The following LRP1B variants were observed in gnomAD, a reference collection of about 807,000 sequenced individuals.
LRP1B encodes LDL receptor related protein 1B.
Under a neutral mutation model 556.6 loss-of-function variants are expected in LRP1B, and 217 were observed. That is an observed-to-expected ratio of 0.39 (90% CI 0.35 to 0.44). LRP1B has a LOEUF of 0.44. Ranked by LOEUF, LRP1B falls within the 20% of genes least tolerant of loss-of-function variation. LRP1B has a pLI of 1.00. For missense variants in LRP1B, 5,053 were observed against 5,620.8 expected (o/e 0.90, Z 3.23); for synonymous variants, 2,047 against 1,865.8 (o/e 1.10, Z -2.50).
chr2:141,142,618 G>C (rs1701682533), intron 7 of LRP1B, among the ~76,000 whole-genome samples: 2 of 152,098 alleles, frequency 1.3e-5, no homozygotes, highest in African/African-American at 4.8e-5. Flanking sequence ...CCAATGAGTT[G>C]AGGCTTCAAT....
chr2:140,573,328 A>G lies in LRP1B; in HGVS notation c.7194+25303T>C, dbSNP rs16844259. Among the ~76,000 whole-genome samples the G allele has an allele frequency of 6.2e-3, 935 of 152,026 alleles. 8 individuals are homozygous for G. The highest frequency in any genetic ancestry group is 0.033 in the East Asian group (171 of 5,182). On this transcript the variant is annotated intron_variant, in intron 43 of 90. Transcript: ENST00000389484. ...TAAATTAAGAAAATTTAGGGTAAAA[A>G]TGAAGGATCAGAAATAAAGGATCAG... is the stretch of plus-strand genomic sequence containing the variant.
chr2:142,055,283 C>T (rs1209460682), intron 1 of LRP1B, among the ~76,000 whole-genome samples: 5 of 151,944 alleles, frequency 3.3e-5, no homozygotes, highest in Non-Finnish European at 1.5e-5. Context: ...AGAAAACATC[C>T]CTCCATGGTG....
intron 41 of LRP1B, among the ~76,000 whole-genome samples, chr2:140,667,235 C>T (rs1354995371): frequency 1.3e-5 from 2 of 152,102 alleles, no homozygotes; most frequent in Non-Finnish European, 2.9e-5. Context: ...AAAAATGCAG[C>T]GCAGAGAATC....
chr2:140,736,895 C>A lies in LRP1B; in HGVS notation c.5759-20079G>T, dbSNP rs1030680631. ...ATCGTTGTGCTTACCTGCCAGAAAC[C>A]AAAAGGCCGTAACTACCATGACTGG... On this transcript the variant is annotated intron_variant, in intron 35 of 90. Coordinates refer to ENST00000389484, the MANE Select transcript of LRP1B (RefSeq NM_018557.3). Among the ~76,000 whole-genome samples the A allele has an allele frequency of 2.0e-5, 3 of 152,214 alleles. No homozygotes were observed. In the South Asian group the frequency reaches 6.2e-4, roughly 32 times the overall value.
At chr2:140,610,814 G>T (rs914912104) in intron 41 of LRP1B, among the ~76,000 whole-genome samples, 1 of 152,088 alleles carries the variant, frequency 6.6e-6, no homozygotes, top group African/African-American at 2.4e-5. Context: ...CTCGCTCTCC[G>T]CCCGCCTCGG....
chr2:141,123,936 T>A (rs1056888699), intron 7 of LRP1B, among the ~76,000 whole-genome samples: 6 of 152,106 alleles, frequency 3.9e-5, no homozygotes, highest in Admixed American at 3.9e-4. Context: ...TGGGATTAGT[T>A]CTATAAGTGA....
chr2:141,184,375 A>G (rs1681144862), intron 7 of LRP1B, among the ~76,000 whole-genome samples: 1 of 151,914 alleles, frequency 6.6e-6, no homozygotes, highest in Non-Finnish European at 1.5e-5. Flanking sequence ...CAGGCCATCA[A>G]AAAAATCATC....
chr2:141,705,106 A>G (rs892274338), intron 2 of LRP1B, among the ~76,000 whole-genome samples: 1 of 152,012 alleles, frequency 6.6e-6, no homozygotes, highest in Non-Finnish European at 1.5e-5. Context: ...GAGAAAACAC[A>G]TTATTAACCT....
At chr2:141,559,679 A>C (rs1332063697) in intron 2 of LRP1B, among the ~76,000 whole-genome samples, 3 of 151,650 alleles carry the variant, frequency 2.0e-5, no homozygotes, top group African/African-American at 7.2e-5. Context: ...CATGCATTGA[A>C]TATTGTAGGT....
At chr2:140,985,128 G>A (rs974150844) in intron 17 of LRP1B, among the ~76,000 whole-genome samples, 2 of 151,922 alleles carry the variant, frequency 1.3e-5, no homozygotes, top group African/African-American at 4.8e-5. Flanking sequence ...CTGAATCAGA[G>A]ATTTGCTGTA....
At chr2:141,137,951 C>G (rs1701530418) in intron 7 of LRP1B, among the ~76,000 whole-genome samples, 1 of 151,542 alleles carries the variant, frequency 6.6e-6, no homozygotes, top group African/African-American at 2.4e-5. Flanking sequence ...GAGGTCATCA[C>G]TACCACGACT....
At chr2:141,674,053 A>G (rs1359743371) in intron 2 of LRP1B, among the ~76,000 whole-genome samples, 2 of 152,078 alleles carry the variant, frequency 1.3e-5, no homozygotes, top group Non-Finnish European at 2.9e-5. Flanking sequence ...TAACTGCCAT[A>G]AGTTTAAATC....
chr2:140,809,245 T>A lies in LRP1B; in HGVS notation c.5359+4412A>T, dbSNP rs193140547. ...GTAGGTTAGTTTGCATGGTATTTTT[T>A]TAAAAAAAAATTTTAAAAAAGATTA... On this transcript the variant is annotated intron_variant, in intron 32 of 90. Transcript: ENST00000389484. Among the ~76,000 whole-genome samples the A allele has an allele frequency of 8.8e-3, 1,333 of 151,922 alleles. 18 individuals are homozygous for A. Among genetic ancestry groups the A allele is most frequent in the African/African-American group, 0.027 (1,136 of 41,488 alleles).
At position 140,923,059 on chromosome 2, in the gene LRP1B, T is replaced by C. The variant is rs1694786785; in HGVS notation, c.3225A>G (p.Gly1075=). 1 of 1,613,204 alleles carries C rather than the reference T, an allele frequency of 6.2e-7. No individual in the cohort carries two copies. The highest frequency in any genetic ancestry group is 1.3e-5 in the African/African-American group (1 of 74,938). ...CACTACCATCTTCACAGTCTTTTTC[T>C]CCATCACAGCGCCACAAATCAGGAA... The part of the protein sequence containing the change: ...NCVPDLWRCD[G]EKDCEDGSDE... Residue 1075 remains glycine, a synonymous_variant, in exon 21 of 91, where the codon GGA becomes GGG. Coordinates refer to ENST00000389484, the MANE Select transcript of LRP1B (RefSeq NM_018557.3).
rs146334234 is a variant in LRP1B, at chr2:140,529,661, C to T, written c.7763-3311G>A. ...AGGAAAAAACAAATGCCAGTTTCCT[C>T]TCCTTTAGGGAGGATCAGAACTGCT... On this transcript the variant is annotated intron_variant, in intron 47 of 90. Coordinates refer to ENST00000389484, the MANE Select transcript of LRP1B (RefSeq NM_018557.3). Among the ~76,000 whole-genome samples, 115 of 152,140 alleles carry T rather than the reference C, an allele frequency of 7.6e-4. 1 individual carries two copies. In the East Asian group the frequency reaches 0.013, roughly 18 times the overall value.
chr2:141,293,635 T>TC, intron 3 of LRP1B, among the ~76,000 whole-genome samples: 2 of 152,102 alleles, frequency 1.3e-5, no homozygotes, highest in East Asian at 3.9e-4. Context: ...CTTTTTTTTT[T>TC]TTTTCTGTCT....
At chr2:141,878,378 C>G (rs867314615) in intron 1 of LRP1B, among the ~76,000 whole-genome samples, 1 of 149,940 alleles carries the variant, frequency 6.7e-6, no homozygotes, top group Non-Finnish European at 1.5e-5. Flanking sequence ...ACAACAACAA[C>G]AAAAAAAACA....
intron 20 of LRP1B, among the ~76,000 whole-genome samples, chr2:140,925,118 G>A (rs1694849878): frequency 1.3e-5 from 2 of 152,018 alleles, no homozygotes; most frequent in Non-Finnish European, 2.9e-5. Flanking sequence ...GATGTGCATA[G>A]GTTATATGCA....
At chr2:141,743,853 C>CT in intron 2 of LRP1B, among the ~76,000 whole-genome samples, 1 of 152,018 alleles carries the variant, frequency 6.6e-6, no homozygotes, top group African/African-American at 2.4e-5. Context: ...TGTAATGCCT[C>CT]TTTTTTCATC....
Sources: gnomAD v4.1 joint callset for allele counts (sites outside exome capture counted in the v4.1 genomes callset) on GRCh38, gnomAD v4.1.1 for gene constraint, MANE v1.5 for transcripts, NCBI Gene and HGNC (gene_info 2026-07-23, HGNC 2026-07-21) for gene names.